SCP2: variants seen among roughly 807,000 people sequenced by gnomAD.
SCP2 encodes the protein sterol carrier protein 2.
In SCP2, 48 loss-of-function variants were observed where a neutral mutation model predicts 71.4. The ratio of observed to expected loss-of-function variants is 0.67; its 90% confidence interval spans 0.53 to 0.86. SCP2 has a LOEUF of 0.86. Among genes scored for constraint, SCP2 ranks in the 40% least tolerant of loss-of-function variants. The pLI is 0.00. For synonymous variants in SCP2, 220 were observed against 218.1 expected, an observed-to-expected ratio of 1.01 and a Z score of -0.08; for missense variants, 560 against 655.6, an observed-to-expected ratio of 0.85 and a Z score of 1.59.
intron 11 of SCP2, among the ~76,000 whole-genome samples, chr1:53,011,254 C>T (rs897574656): frequency 2.6e-5 from 4 of 152,236 alleles, no homozygotes; most frequent in Non-Finnish European, 5.9e-5. Context: ...TTGTACTTGG[C>T]TGTCTTGATA....
intron 6 of SCP2, 63 bp downstream of exon 6, chr1:52,961,692 C>G (rs1238694762): frequency 7.0e-7 from 1 of 1,429,698 alleles, no homozygotes; most frequent in African/African-American, 1.4e-5. Flanking sequence ...TGAGAAATGA[C>G]AGTTATTTAT....
rs185961199 is a variant in SCP2 at position 52,961,044 on chromosome 1, G to A, written c.397-459G>A. On this transcript the variant is annotated intron_variant, in intron 5 of 15. Transcript: ENST00000371514. ...TGGGATTACAGGTGTGAGCCACCAC[G>A]CCCAGCCTATTTCCTTTGGTTCTTT... Among the ~76,000 whole-genome samples the A allele has an allele frequency of 7.6e-3, 1,114 of 146,860 alleles. 11 individuals are homozygous for A. The highest frequency in any genetic ancestry group is 0.025 in the African/African-American group (997 of 39,554).
intron 9 of SCP2, 89 bp from the exon 10 acceptor site, chr1:52,980,307 T>C: frequency 8.2e-7 from 1 of 1,221,154 alleles, no homozygotes; most frequent in East Asian, 2.3e-5. Context: ...TTATCAGTTG[T>C]TAAGGTTATG....
At chr1:52,999,070 C>A (rs1260310562) in intron 11 of SCP2, among the ~76,000 whole-genome samples, 1 of 151,162 alleles carries the variant, frequency 6.6e-6, no homozygotes, top group Admixed American at 6.7e-5. Context: ...GATATTATGT[C>A]TAGTGATGGT....
chr1:52,990,957 C>T (rs1414500558), intron 11 of SCP2, among the ~76,000 whole-genome samples: 1 of 152,042 alleles, frequency 6.6e-6, no homozygotes, highest in Non-Finnish European at 1.5e-5. Context: ...AAGTGTTTTG[C>T]ATGGAAGCAG....
intron 11 of SCP2, among the ~76,000 whole-genome samples, chr1:53,009,933 A>C (rs1660877481): frequency 6.6e-6 from 1 of 152,224 alleles, no homozygotes; most frequent in Admixed American, 6.5e-5. Flanking sequence ...ATTTACAAGA[A>C]AAAATCAAAC....
intron 4 of SCP2, among the ~76,000 whole-genome samples, chr1:52,951,255 T>C: frequency 6.6e-6 from 1 of 151,682 alleles, no homozygotes; most frequent in East Asian, 1.9e-4. Flanking sequence ...GCACTCCAGC[T>C]TGGGTGATAG....
At chr1:53,003,777 T>C (rs1010368241) in intron 11 of SCP2, among the ~76,000 whole-genome samples, 4 of 152,168 alleles carry the variant, frequency 2.6e-5, no homozygotes, top group African/African-American at 9.7e-5. Flanking sequence ...TCCTCTCTCC[T>C]TGGCCTCCCC....
chr1:52,936,871 A>G (rs984932334), intron 1 of SCP2, among the ~76,000 whole-genome samples: 3 of 152,006 alleles, frequency 2.0e-5, no homozygotes. Context: ...GCAAAGTTCT[A>G]TTTCTTGACC....
chr1:52,927,334 T>C lies in SCP2; in HGVS notation c.-63T>C. On this transcript the variant is annotated 5_prime_UTR_variant, in exon 1 of 16. Coordinates refer to ENST00000371514, the MANE Select transcript of SCP2 (RefSeq NM_002979.5). ...CGGGCTTCAGGGAGCTCTGGTGCAGTCTCCGCCTGTCAGTGCCGGCAGTCG... is the reference window on the plus strand; with the variant it reads ...CGGGCTTCAGGGAGCTCTGGTGCAGCCTCCGCCTGTCAGTGCCGGCAGTCG... The C allele has an allele frequency of 7.1e-7, 1 of 1,404,388 alleles. No individual in the cohort carries two copies. Among genetic ancestry groups the C allele is most frequent in the Admixed American group, 2.0e-5 (1 of 50,852 alleles). The allele number at this position is 1,404,388 out of a possible 1,614,324, so 87.0% of individuals were successfully genotyped here. A position where few individuals can be genotyped will look rare whatever the true frequency, so the allele number is the denominator to read the frequency against.
At chr1:52,934,006 C>A (rs932376098) in intron 1 of SCP2, among the ~76,000 whole-genome samples, 1 of 152,192 alleles carries the variant, frequency 6.6e-6, no homozygotes, top group Non-Finnish European at 1.5e-5. Context: ...TCACTTAAGA[C>A]CTCGATGAAG....
chr1:52,939,250 T>A (rs1457969027), intron 1 of SCP2, among the ~76,000 whole-genome samples: 1 of 152,196 alleles, frequency 6.6e-6, no homozygotes, highest in Non-Finnish European at 1.5e-5. Flanking sequence ...AAAGCTAGTA[T>A]AAACATCTGT....
At chr1:53,007,723 G>A (rs1246767424) in intron 11 of SCP2, among the ~76,000 whole-genome samples, 1 of 151,952 alleles carries the variant, frequency 6.6e-6, no homozygotes, top group Non-Finnish European at 1.5e-5. Context: ...AAGAACTAGA[G>A]AAGCAAGAGC....
intron 11 of SCP2, among the ~76,000 whole-genome samples, chr1:52,988,390 C>A (rs1659180633): frequency 6.6e-6 from 1 of 152,058 alleles, no homozygotes; most frequent in Non-Finnish European, 1.5e-5. Flanking sequence ...ACTAGACCTG[C>A]TAAATAAGAA....
At chr1:53,027,284 A>G (rs1195978999) in intron 12 of SCP2, among the ~76,000 whole-genome samples, 1 of 151,968 alleles carries the variant, frequency 6.6e-6, no homozygotes, top group Non-Finnish European at 1.5e-5. Context: ...CGAACTCCTG[A>G]GCTCAAGCGA....
intron 13 of SCP2, among the ~76,000 whole-genome samples, chr1:53,029,243 G>T (rs1467799924): frequency 6.6e-6 from 1 of 150,714 alleles, no homozygotes; most frequent in African/African-American, 2.4e-5. Flanking sequence ...TTTAAACTTA[G>T]AAGAATCTTG....
At chr1:52,996,045 T>A in intron 11 of SCP2, 2 of 1,225,826 alleles carry the variant, frequency 1.6e-6, no homozygotes, top group Non-Finnish European at 2.1e-6. Flanking sequence ...CCCCATCGCC[T>A]CAGGCTTCTC....
intron 11 of SCP2, among the ~76,000 whole-genome samples, chr1:52,991,423 C>T (rs529679703): frequency 1.2e-4 from 18 of 148,126 alleles, no homozygotes; most frequent in East Asian, 3.9e-4. Context: ...TTCCTTGAAA[C>T]GGAGTCTTGC....
intron 11 of SCP2, chr1:52,993,129 T>A: frequency 1.3e-6 from 2 of 1,531,490 alleles, no homozygotes. Flanking sequence ...CAACAAGATG[T>A]AAACTGAGGA....
Sources: gnomAD v4.1 joint callset for allele counts (sites outside exome capture counted in the v4.1 genomes callset) on GRCh38, gnomAD v4.1.1 for gene constraint, MANE v1.5 for transcripts, NCBI Gene and HGNC (gene_info 2026-07-23, HGNC 2026-07-21) for gene names.